Variants in RBFOX3 observed in about 807,000 individuals in gnomAD.
The protein encoded by RBFOX3 is RNA binding protein fox-1 homolog 3.
A neutral mutation model predicts 48.7 loss-of-function variants in RBFOX3; 17 were observed. The observed-to-expected ratio is 0.35, with a 90% CI of 0.24 to 0.52. The LOEUF (loss-of-function observed/expected upper bound fraction) is 0.52, where lower values mean the gene tolerates loss of function less well. RBFOX3 is among the 20% of genes least tolerant of loss of function. The pLI is 0.94. For missense variants in RBFOX3, 382 were observed against 497.5 expected (o/e 0.77, Z 2.21); for synonymous variants, 212 against 209.5 (o/e 1.01, Z -0.10).
Position 79,090,533 on chromosome 17 carries a change from A to C in RBFOX3, c.*350T>G. On this transcript the variant is annotated 3_prime_UTR_variant, in exon 15 of 15. Coordinates refer to ENST00000693108, the MANE Select transcript of RBFOX3 (RefSeq NM_001350451.2). ...TTGGGAGTTGGGGGCTGGGAAAGGA[A>C]GACTGGATGGAAAACAGAGCCCCCC... 1 of 293,528 alleles carries C rather than the reference A, an allele frequency of 3.4e-6. No individual in the cohort carries two copies. The highest frequency in any genetic ancestry group is 2.2e-5 in the African/African-American group (1 of 45,580). The allele number at this position is 293,528 out of a possible 1,614,324, so 18.2% of individuals were successfully genotyped here. A position where few individuals can be genotyped will look rare whatever the true frequency, so the allele number is the denominator to read the frequency against.
chr17:79,623,409 A>G, the RBFOX3 span, among the ~76,000 whole-genome samples: 1 of 152,166 alleles, frequency 6.6e-6, no homozygotes, highest in Non-Finnish European at 1.5e-5. Flanking sequence ...GTTACACAGC[A>G]AGGAGGAAGG....
the RBFOX3 span, among the ~76,000 whole-genome samples, chr17:79,655,620 G>A: frequency 2.0e-5 from 3 of 152,204 alleles, no homozygotes; most frequent in Admixed American, 2.0e-4. Flanking sequence ...GGGACTGGCT[G>A]TGCCTTTTGC....
At chr17:79,141,357 G>A (rs953129217) in intron 4 of RBFOX3, among the ~76,000 whole-genome samples, 6 of 152,234 alleles carry the variant, frequency 3.9e-5, no homozygotes, top group African/African-American at 1.4e-4. Context: ...GTTACCCAGA[G>A]AGCAGGGAAG....
At chr17:79,656,683 G>GACA in the RBFOX3 span, among the ~76,000 whole-genome samples, 1 of 39,552 alleles carries the variant, frequency 2.5e-5, no homozygotes, top group African/African-American at 6.0e-5. Flanking sequence ...GAAGGAAGGA[G>GACA]GGAAGGAAGG....
At chr17:79,253,236 C>T (rs1032786603) in intron 3 of RBFOX3, among the ~76,000 whole-genome samples, 5 of 152,138 alleles carry the variant, frequency 3.3e-5, no homozygotes, top group African/African-American at 1.2e-4. Flanking sequence ...TCTTTCCCCC[C>T]ACCTCAAATA....
At chr17:79,259,918 G>T (rs919595139) in intron 3 of RBFOX3, among the ~76,000 whole-genome samples, 23 of 152,124 alleles carry the variant, frequency 1.5e-4, no homozygotes, top group Non-Finnish European at 1.8e-4. Context: ...GCTCAGATAT[G>T]TCAACTGTGA....
intron 1 of RBFOX3, among the ~76,000 whole-genome samples, chr17:79,551,538 G>GGTGGGTGT (rs2091156435): frequency 7.9e-6 from 1 of 126,458 alleles, no homozygotes. Context: ...TGGACGGGTG[G>GGTGGGTGT]GTGGGTGGAT....
intron 2 of RBFOX3, among the ~76,000 whole-genome samples, chr17:79,426,746 C>G (rs1555725762): frequency 6.6e-6 from 1 of 152,074 alleles, no homozygotes; most frequent in Non-Finnish European, 1.5e-5. Flanking sequence ...CTCTTGTTGC[C>G]CAGGCTGGAG....
At position 79,392,947 on chromosome 17, in the gene RBFOX3, C is replaced by G. The variant is rs2061528063; in HGVS notation, c.-174-85123G>C. On this transcript the variant is annotated intron_variant, in intron 2 of 14. Transcript: ENST00000693108. This position sits in a 1 kb window ranked among gnomAD's most constrained non-coding sequence, Gnocchi z 5.0. Reference sequence around the variant, plus strand: ...GAATATTTATCAGTTAACGAACACACATTTCCTTTCCCCAAACCTAAACTA... The same window carrying G: ...GAATATTTATCAGTTAACGAACACAGATTTCCTTTCCCCAAACCTAAACTA... Among the ~76,000 whole-genome samples the G allele has an allele frequency of 6.6e-6, 1 of 152,200 alleles. No homozygotes were observed. The highest frequency in any genetic ancestry group is 1.5e-5 in the Non-Finnish European group (1 of 68,040).
chr17:79,244,090 C>G lies in RBFOX3; in HGVS notation c.-73-8285G>C, dbSNP rs183461412. Among the ~76,000 whole-genome samples the G allele has an allele frequency of 5.0e-4, 76 of 152,274 alleles. 1 individual carries two copies. The highest frequency in any genetic ancestry group is 1.5e-3 in the Admixed American group (23 of 15,300). ...AGAATGGTGTCCCCAGAGTCCATGT[C>G]CATCCGGAACCTTATTTGGAAACAG... On this transcript the variant is annotated intron_variant, in intron 3 of 14. Transcript: ENST00000693108.
intron 9 of RBFOX3, among the ~76,000 whole-genome samples, chr17:79,101,338 G>A (rs2076395196): frequency 6.6e-6 from 1 of 152,206 alleles, no homozygotes; most frequent in African/African-American, 2.4e-5. Context: ...GCCTGGGAAA[G>A]TGAGACTCCA....
At chr17:79,587,445 A>G (rs1475788029) in intron 1 of RBFOX3, among the ~76,000 whole-genome samples, 1 of 152,170 alleles carries the variant, frequency 6.6e-6, no homozygotes, top group Non-Finnish European at 1.5e-5. Flanking sequence ...AAGGCTAGGG[A>G]CCCCAGCCCC....
At chr17:79,573,984 A>T (rs1210397772) in intron 1 of RBFOX3, among the ~76,000 whole-genome samples, 1 of 152,190 alleles carries the variant, frequency 6.6e-6, no homozygotes, top group East Asian at 1.9e-4. Flanking sequence ...GTCTCCACCC[A>T]TGAAGAAGGG....
intron 2 of RBFOX3, among the ~76,000 whole-genome samples, chr17:79,319,611 C>CGGGCTGCTGGTCTTGTCT (rs2078124482): frequency 6.7e-6 from 1 of 149,812 alleles, no homozygotes; most frequent in South Asian, 2.1e-4. Context: ...TGGTCTTGTC[C>CGGGCTGCTGGTCTTGTCT]GGGCTGCTGG....
intron 3 of RBFOX3, among the ~76,000 whole-genome samples, chr17:79,261,525 T>C (rs368342594): frequency 3.0e-4 from 46 of 152,336 alleles, no homozygotes; most frequent in African/African-American, 1.1e-3. Flanking sequence ...CTCCCAGGCC[T>C]GTGCGGCTCT....
intron 4 of RBFOX3, among the ~76,000 whole-genome samples, chr17:79,154,558 G>A (rs1023259236): frequency 6.6e-5 from 10 of 152,240 alleles, no homozygotes; most frequent in Admixed American, 4.6e-4. Context: ...TGACTGGAGA[G>A]GTCTGGCTGA....
chr17:79,598,239 G>C (rs1359666732), intron 1 of RBFOX3: 1 of 152,336 alleles, frequency 6.6e-6, no homozygotes, highest in African/African-American at 2.4e-5. Flanking sequence ...CACGTGGCCA[G>C]TACAAAAGAG....
intron 1 of RBFOX3, among the ~76,000 whole-genome samples, chr17:79,567,768 C>T (rs1411972257): frequency 2.6e-5 from 4 of 152,314 alleles, no homozygotes; most frequent in South Asian, 2.1e-4. Flanking sequence ...CAGGGAAGAG[C>T]GATCTTTAAC....
In RBFOX3 at chr17:79,280,228, C is replaced by T. The variant is rs560944099; in HGVS notation, c.-74+27496G>A. 1.7e-4 allele frequency among the ~76,000 whole-genome samples: 12 copies of T among 69,700 alleles called. No individual in the cohort carries two copies. The South Asian group carries it at 2.8e-3, about 16-fold the overall frequency. The allele number at this position is 69,700 out of a possible 152,430, so 45.7% of individuals were successfully genotyped here. A position where few individuals can be genotyped will look rare whatever the true frequency, so the allele number is the denominator to read the frequency against. The stretch of plus-strand genomic sequence containing the variant: ...ACACACTCACAAACATGCACACACA[C>T]GCACACATGCACACACACACACATG... On this transcript the variant is annotated intron_variant, in intron 3 of 14. Coordinates refer to ENST00000693108, the MANE Select transcript of RBFOX3 (RefSeq NM_001350451.2).
Sources: allele counts gnomAD v4.1 joint callset (sites outside exome capture counted in the v4.1 genomes callset), GRCh38; gene constraint gnomAD v4.1.1; non-coding constraint Gnocchi (gnomAD v3.1); transcripts MANE v1.5; gene names NCBI Gene and HGNC (gene_info 2026-07-23, HGNC 2026-07-21).